The following UXS1 variants were observed in gnomAD, a reference collection of about 807,000 sequenced individuals.
UXS1 encodes the protein UDP-glucuronate decarboxylase 1, also known as UDP-glucuronic acid decarboxylase 1.
Under a neutral mutation model 62.6 loss-of-function variants are expected in UXS1, and 33 were observed. The observed-to-expected ratio is 0.53, with a 90% CI of 0.40 to 0.70. The LOEUF is 0.70. UXS1 is among the 30% of genes least tolerant of loss of function. The pLI, the probability that UXS1 is intolerant of heterozygous loss-of-function variation, is 0.00. For synonymous variants in UXS1, 213 were observed against 206.8 expected (o/e 1.03, Z -0.26); for missense variants, 434 against 556.3 (o/e 0.78, Z 2.21).
intron 1 of UXS1, among the ~76,000 whole-genome samples, chr2:106,174,220 T>C (rs1683734920): frequency 6.6e-6 from 1 of 152,088 alleles, no homozygotes; most frequent in Admixed American, 6.5e-5. Flanking sequence ...ATGAACCAAA[T>C]ATGGGCACCA....
intron 10 of UXS1, among the ~76,000 whole-genome samples, chr2:106,111,624 C>T (rs1473910977): frequency 6.6e-6 from 1 of 152,152 alleles, no homozygotes; most frequent in Non-Finnish European, 1.5e-5. Context: ...ATAACCTCTG[C>T]GCTCCAGCAT....
intron 1 of UXS1, among the ~76,000 whole-genome samples, chr2:106,192,555 C>CA (rs11308303): frequency 7.5e-4 from 97 of 129,956 alleles, no homozygotes; most frequent in Non-Finnish European, 1.3e-3. Context: ...GACTCCGTCT[C>CA]AAAAAAAAAA....
In UXS1 at chr2:106,173,600, T is replaced by G. The variant is rs1054471467; in HGVS notation, c.95-7517A>C. On this transcript the variant is annotated intron_variant, in intron 1 of 14. Transcript: ENST00000283148. ...CAAAACTCTATTAAAAGAGCCAGAA[T>G]AGCAAATATTGCAGTTTTGTGGGAC... 2.6e-5 allele frequency among the ~76,000 whole-genome samples: 4 copies of G among 152,132 alleles called. No homozygotes were observed. The East Asian group carries it at 7.7e-4, about 29-fold the overall frequency.
chr2:106,188,561 G>A (rs1684724613), intron 1 of UXS1, among the ~76,000 whole-genome samples: 2 of 152,216 alleles, frequency 1.3e-5, no homozygotes, highest in African/African-American at 4.8e-5. Context: ...ATCCCCCTGG[G>A]ACAATCAGGT....
rs150213103 is a variant in UXS1, at chr2:106,107,398, G to A, written c.880-2561C>T. On this transcript the variant is annotated intron_variant, in intron 10 of 14. Coordinates refer to ENST00000283148, the MANE Select transcript of UXS1 (RefSeq NM_001253875.2). Reference sequence around the variant, plus strand: ...GAGCAGCGGTGTCCACTCACACACCGTCTCTCAGAGAGGAGCCATGGAAGA... The same window carrying A: ...GAGCAGCGGTGTCCACTCACACACCATCTCTCAGAGAGGAGCCATGGAAGA... 2.6e-3 allele frequency among the ~76,000 whole-genome samples: 397 copies of A among 152,296 alleles called. 1 individual carries two copies. Among genetic ancestry groups the A allele is most frequent in the African/African-American group, 9.0e-3 (376 of 41,554 alleles).
chr2:106,136,277 G>T (rs1680631332), intron 6 of UXS1, among the ~76,000 whole-genome samples: 2 of 121,938 alleles, frequency 1.6e-5, no homozygotes. Flanking sequence ...TGCTGGAGAG[G>T]ATGTGGAGAA....
chr2:106,119,994 AC>A (rs1157919297), intron 9 of UXS1, among the ~76,000 whole-genome samples: 9 of 152,174 alleles, frequency 5.9e-5, no homozygotes, highest in Non-Finnish European at 1.2e-4. Context: ...CATAGCAGGA[AC>A]TGAAACCTGT....
At chr2:106,113,771 C>T (rs918731951) in intron 9 of UXS1, among the ~76,000 whole-genome samples, 7 of 152,238 alleles carry the variant, frequency 4.6e-5, no homozygotes, top group Non-Finnish European at 7.3e-5. Flanking sequence ...CTTCTCACTG[C>T]GCCCATGTGT....
chr2:106,139,769 C>A (rs1680951474), intron 6 of UXS1, among the ~76,000 whole-genome samples: 1 of 152,182 alleles, frequency 6.6e-6, no homozygotes, highest in South Asian at 2.1e-4. Flanking sequence ...TGCCAAGGAC[C>A]AGTTCAGGAT....
intron 1 of UXS1, among the ~76,000 whole-genome samples, chr2:106,188,919 A>T (rs1210479472): frequency 1.3e-5 from 2 of 152,388 alleles, no homozygotes; most frequent in East Asian, 3.9e-4. Flanking sequence ...TTAGTTTTTT[A>T]AAAAAGTTCA....
At chr2:106,122,858 C>A in intron 9 of UXS1, 112 bp downstream of exon 9, 2 of 1,444,872 alleles carry the variant, frequency 1.4e-6, no homozygotes, top group South Asian at 2.8e-5. Flanking sequence ...GCTTCCCAAA[C>A]ACCTATCCCC....
At chr2:106,119,690 G>A (rs1400837499) in intron 9 of UXS1, among the ~76,000 whole-genome samples, 1 of 152,152 alleles carries the variant, frequency 6.6e-6, no homozygotes, top group African/African-American at 2.4e-5. Context: ...TTGCCCCAAA[G>A]AGGTCCAGTG....
intron 4 of UXS1, among the ~76,000 whole-genome samples, chr2:106,161,387 G>A (rs1389647519): frequency 6.6e-6 from 1 of 152,230 alleles, no homozygotes; most frequent in East Asian, 1.9e-4. Context: ...ATTACACCGT[G>A]CCTGGCCCAC....
chr2:106,163,882 G>C (rs887712587), intron 3 of UXS1, among the ~76,000 whole-genome samples, 172 bp from the exon 4 acceptor site: 5 of 152,142 alleles, frequency 3.3e-5, no homozygotes, highest in African/African-American at 1.2e-4. Flanking sequence ...GAATTGAACA[G>C]ATAAACTGTC....
chr2:106,155,050 C>CT (rs1330657172), intron 5 of UXS1, among the ~76,000 whole-genome samples: 7 of 152,078 alleles, frequency 4.6e-5, no homozygotes, highest in Admixed American at 2.0e-4. Flanking sequence ...GTCCCATACT[C>CT]TTTTTTAACA....
At chr2:106,141,793 A>G (rs1681118717) in intron 6 of UXS1, among the ~76,000 whole-genome samples, 1 of 150,910 alleles carries the variant, frequency 6.6e-6, no homozygotes, top group South Asian at 2.1e-4. Flanking sequence ...ATATAACCAT[A>G]TTACCTATTA....
Position 106,104,860 on chromosome 2 carries a change from G to A in UXS1, c.880-23C>T, listed in dbSNP as rs371232960. On this transcript the variant is annotated intron_variant, in intron 10 of 14. Transcript: ENST00000283148. ...TACCTGGAAGGAAACCAACAGTTAGGCCTCCTGATAAAACCACACCCGTCC... is the reference window on the plus strand; with the variant it reads ...TACCTGGAAGGAAACCAACAGTTAGACCTCCTGATAAAACCACACCCGTCC... 3.1e-6 allele frequency: 5 copies of A among 1,613,724 alleles called. No homozygotes were observed. In the Admixed American group the frequency reaches 5.0e-5, roughly 16 times the overall value.
In UXS1 at chr2:106,096,634, G is replaced by T. The variant is rs546792140; in HGVS notation, c.1146+84C>A. On this transcript the variant is annotated intron_variant, in intron 14 of 14. Transcript: ENST00000283148. ...CACCTTGCTCCTCCGGGGGCTGTCT[G>T]ACAAGGGTCAGTGCCTACAGGACAG... 5.7e-5 allele frequency: 75 copies of T among 1,313,022 alleles called. No homozygotes were observed. The South Asian group carries it at 1.1e-3, about 19-fold the overall frequency. The allele number at this position is 1,313,022 out of a possible 1,614,324, so 81.3% of individuals were successfully genotyped here.
rs1677910558 is a variant in UXS1 at position 106,104,776 on chromosome 2, A to G, written c.923+18T>C. 28 of 1,613,966 alleles carry G rather than the reference A, an allele frequency of 1.7e-5. No homozygotes were observed. The highest frequency in any genetic ancestry group is 2.3e-5 in the Non-Finnish European group (27 of 1,179,882). ...TCCAAAGCACTGCTAAGGCTGGGGCAGGGCAGGACAGTCTTACCTGACGTA... is the reference window on the plus strand; with the variant it reads ...TCCAAAGCACTGCTAAGGCTGGGGCGGGGCAGGACAGTCTTACCTGACGTA... On this transcript the variant is annotated intron_variant, in intron 11 of 14. Coordinates refer to ENST00000283148, the MANE Select transcript of UXS1 (RefSeq NM_001253875.2).
Sources: gnomAD v4.1 joint callset for allele counts (sites outside exome capture counted in the v4.1 genomes callset) on GRCh38, gnomAD v4.1.1 for gene constraint, MANE v1.5 for transcripts, NCBI Gene and HGNC (gene_info 2026-07-23, HGNC 2026-07-21) for gene names.